The following LMO4 variants were observed in gnomAD, a reference collection of about 807,000 sequenced individuals.
The protein encoded by LMO4 is LIM domain transcription factor LMO4.
In LMO4, 3 loss-of-function variants were observed where a neutral mutation model predicts 18.5. That is an observed-to-expected ratio of 0.16 (90% CI 0.07 to 0.42). The LOEUF is 0.42. LMO4 is among the 10% of genes least tolerant of loss of function. The pLI is 0.99. For missense variants in LMO4, 121 were observed against 219.9 expected (o/e 0.55, Z 2.84); for synonymous variants, 100 against 88.1 (o/e 1.14, Z -0.76).
At chr1:87,332,998 C>T (rs765294612) in intron 2 of LMO4, among the ~76,000 whole-genome samples, 16 of 152,186 alleles carry the variant, frequency 1.1e-4, no homozygotes, top group Admixed American at 2.0e-4. Context: ...TATCACTGCC[C>T]TTGATCCCCA....
At chr1:87,329,968 T>G (rs1410280156) in intron 1 of LMO4, among the ~76,000 whole-genome samples, 1 of 152,070 alleles carries the variant, frequency 6.6e-6, no homozygotes, top group African/African-American at 2.4e-5. Flanking sequence ...GGCTATGTAA[T>G]TACTAGAGTA....
intron 1 of LMO4, chr1:87,331,189 A>AATGATCTATT (rs1382805845): frequency 6.6e-6 from 1 of 151,690 alleles, no homozygotes; most frequent in East Asian, 1.9e-4. Flanking sequence ...CCTAAAGTTC[A>AATGATCTATT]ATGATCTATT....
At position 87,331,901 on chromosome 1, in the gene LMO4, A is replaced by G. The variant is rs1365809573; in HGVS notation, c.-3-112A>G. The stretch of plus-strand genomic sequence containing the variant: ...CGCCCTTGCCCTGCTGTTTCCTTCC[A>G]GCAGCTCCGCGGGGAGGAGGGGAAT... On this transcript the variant is annotated intron_variant, in intron 1 of 4. Coordinates refer to ENST00000370544, the MANE Select transcript of LMO4 (RefSeq NM_006769.4). 9 of 874,188 alleles carry G rather than the reference A, an allele frequency of 1.0e-5. No homozygotes were observed. In the Admixed American group the frequency reaches 1.9e-4, roughly 19 times the overall value. The allele number at this position is 874,188 out of a possible 1,614,324, so 54.2% of individuals were successfully genotyped here.
intron 2 of LMO4, 35 bp from the exon 3 acceptor site, chr1:87,339,501 T>TA: frequency 1.4e-6 from 2 of 1,475,244 alleles, no homozygotes; most frequent in Non-Finnish European, 9.5e-7. Context: ...GGTTTAGGAT[T>TA]ATTCACTGGT....
chr1:87,329,412 C>G (rs1387776835), intron 1 of LMO4, among the ~76,000 whole-genome samples, 168 bp downstream of exon 1: 1 of 152,172 alleles, frequency 6.6e-6, no homozygotes, highest in Non-Finnish European at 1.5e-5. Flanking sequence ...CCGAGGCCGG[C>G]CTGCGAGCTA....
chr1:87,340,290 G>C, intron 4 of LMO4, 88 bp downstream of exon 4: 2 of 1,333,408 alleles, frequency 1.5e-6, no homozygotes, highest in Non-Finnish European at 2.1e-6. Context: ...TTCTTGGGTG[G>C]TTGTATTTTT....
In LMO4 at chr1:87,329,423, G is replaced by T. The variant is rs546663815; in HGVS notation, c.-4+179G>T. Among the ~76,000 whole-genome samples, 16 of 152,296 alleles carry T rather than the reference G, an allele frequency of 1.1e-4. No individual in the cohort carries two copies. In the East Asian group the frequency reaches 1.9e-3, roughly 18 times the overall value. On this transcript the variant is annotated intron_variant, in intron 1 of 4. Coordinates refer to ENST00000370544, the MANE Select transcript of LMO4 (RefSeq NM_006769.4). ...ACTACCGAGGCCGGCCTGCGAGCTA[G>T]CGCGGAGGGCAGCCCCGGGCCGCCA... is the stretch of plus-strand genomic sequence containing the variant.
In LMO4 at chr1:87,334,028, A is replaced by G. The variant is rs148584495; in HGVS notation, c.236+1777A>G. 2.0e-5 allele frequency among the ~76,000 whole-genome samples: 3 copies of G among 152,070 alleles called. No individual in the cohort carries two copies. In the East Asian group the frequency reaches 5.8e-4, roughly 29 times the overall value. ...AAGATGGGTCCGCTTGTATTCCCCC[A>G]GGACAAGTTTAGGCAAGTGGCTTCC... On this transcript the variant is annotated intron_variant, in intron 2 of 4. Transcript: ENST00000370544.
chr1:87,342,780 G>C (rs1650532041), intron 4 of LMO4, among the ~76,000 whole-genome samples: 1 of 152,124 alleles, frequency 6.6e-6, no homozygotes, highest in Non-Finnish European at 1.5e-5. Flanking sequence ...GGTCCAGAGA[G>C]ATATTAATGA....
In LMO4 at chr1:87,345,071, G is replaced by A. The variant is rs1257910388; in HGVS notation, c.*275G>A. 2.9e-6 allele frequency: 1 copy of A among 348,824 alleles called. No individual in the cohort carries two copies. Among genetic ancestry groups the A allele is most frequent in the Non-Finnish European group, 5.1e-6 (1 of 194,558 alleles). The allele number at this position is 348,824 out of a possible 1,614,324, so 21.6% of individuals were successfully genotyped here. A position where few individuals can be genotyped will look rare whatever the true frequency, so the allele number is the denominator to read the frequency against. ...CAGAGGACATCTTGGGGAGGGGGAGGGAGCTGGGGGGGAGGGAAATGACTA... is the reference window on the plus strand; with the variant it reads ...CAGAGGACATCTTGGGGAGGGGGAGAGAGCTGGGGGGGAGGGAAATGACTA... On this transcript the variant is annotated 3_prime_UTR_variant, in exon 5 of 5. Transcript: ENST00000370544.
intron 2 of LMO4, among the ~76,000 whole-genome samples, chr1:87,333,955 A>C (rs923372346): frequency 5.5e-4 from 84 of 151,760 alleles, no homozygotes; most frequent in Non-Finnish European, 1.1e-3. Flanking sequence ...AAAAAAAAAA[A>C]CAAAAAACAA....
At chr1:87,336,513 C>G (rs921747230) in intron 2 of LMO4, among the ~76,000 whole-genome samples, 1 of 152,208 alleles carries the variant, frequency 6.6e-6, no homozygotes. Context: ...CCCTCCATCT[C>G]TTAATGCCAG....
chr1:87,336,977 A>ACACACACACACACAC (rs1553157571), intron 2 of LMO4, among the ~76,000 whole-genome samples: 1 of 151,768 alleles, frequency 6.6e-6, no homozygotes, highest in African/African-American at 2.4e-5. Flanking sequence ...GTTGTGAAAA[A>ACACACACACACACAC]ACACACACAC....
chr1:87,336,189 C>T (rs1198095567), intron 2 of LMO4, among the ~76,000 whole-genome samples: 1 of 152,142 alleles, frequency 6.6e-6, no homozygotes, highest in Non-Finnish European at 1.5e-5. Context: ...ATAGCTGGTG[C>T]AGAATTTAGA....
intron 4 of LMO4, among the ~76,000 whole-genome samples, chr1:87,341,179 A>G (rs181214800): frequency 1.1e-4 from 17 of 152,312 alleles, no homozygotes; most frequent in African/African-American, 4.1e-4. Context: ...CATATTTCAT[A>G]CTGATTATGT....
At chr1:87,331,851 T>TCCCTCTCCCCCTC in intron 1 of LMO4, 162 bp from the exon 2 acceptor site, 1 of 606,302 alleles carries the variant, frequency 1.6e-6, no homozygotes, top group Non-Finnish European at 2.9e-6. Flanking sequence ...CCTCCCTTCT[T>TCCCTCTCCCCCTC]CCCTCTCCCC....
chr1:87,332,718 A>C (rs1027328508), intron 2 of LMO4, among the ~76,000 whole-genome samples: 2 of 152,256 alleles, frequency 1.3e-5, no homozygotes, highest in African/African-American at 4.8e-5. Flanking sequence ...ATATTTACAT[A>C]AGCATCTTGA....
rs201129923 is a variant in LMO4, at chr1:87,340,024, G to A, written c.334-23G>A. On this transcript the variant is annotated intron_variant, in intron 3 of 4. Coordinates refer to ENST00000370544, the MANE Select transcript of LMO4 (RefSeq NM_006769.4). Reference sequence around the variant, plus strand: ...AGACTTAATTTTTACCTTGTTTTCAGTGGGTTTGTTTTTCCCTTTCAGTGT... The same window carrying A: ...AGACTTAATTTTTACCTTGTTTTCAATGGGTTTGTTTTTCCCTTTCAGTGT... 8 of 1,605,274 alleles carry A rather than the reference G, an allele frequency of 5.0e-6. No homozygotes were observed. In the East Asian group the frequency reaches 1.3e-4, roughly 27 times the overall value.
At chr1:87,331,969 CCT>C (rs1557612889) in intron 1 of LMO4, 42 bp from the exon 2 acceptor site, 2 of 1,489,654 alleles carry the variant, frequency 1.3e-6, no homozygotes, top group African/African-American at 1.4e-5. Context: ...TTGCATCGCC[CCT>C]GTTTTGTCTT....
Sources: allele counts gnomAD v4.1 joint callset (sites outside exome capture counted in the v4.1 genomes callset), GRCh38; gene constraint gnomAD v4.1.1; transcripts MANE v1.5; gene names NCBI Gene and HGNC (gene_info 2026-07-23, HGNC 2026-07-21).